Variants in NKAIN3 observed in about 807,000 individuals in gnomAD.
The protein encoded by NKAIN3 is sodium/potassium transporting ATPase interacting 3, also known as sodium/potassium-transporting ATPase subunit beta-1-interacting protein 3.
Under a neutral mutation model 30.2 loss-of-function variants are expected in NKAIN3, and 25 were observed. The observed-to-expected ratio is 0.83, with a 90% confidence interval of 0.60 to 1.16. The LOEUF is 1.16. Ranked by LOEUF, NKAIN3 falls within the 50% of genes most tolerant of loss-of-function variation. The pLI is 0.00. For missense variants in NKAIN3, 225 were observed against 254.1 expected (o/e 0.89, Z 0.78); for synonymous variants, 91 against 89.6 (o/e 1.02, Z -0.09).
intron 3 of NKAIN3, among the ~76,000 whole-genome samples, chr8:62,663,574 C>A (rs1351600179): frequency 6.6e-6 from 1 of 152,146 alleles, no homozygotes; most frequent in Non-Finnish European, 1.5e-5. Context: ...CATCTGAATA[C>A]CCACTTTGTG....
chr8:62,431,167 G>A (rs771051151), intron 1 of NKAIN3, among the ~76,000 whole-genome samples: 1 of 151,822 alleles, frequency 6.6e-6, no homozygotes, highest in Non-Finnish European at 1.5e-5. Flanking sequence ...TCCAAAGATA[G>A]TCTGAATCAA....
At chr8:62,784,779 C>T (rs577667609) in intron 4 of NKAIN3, among the ~76,000 whole-genome samples, 2 of 152,066 alleles carry the variant, frequency 1.3e-5, no homozygotes, top group Non-Finnish European at 2.9e-5. Flanking sequence ...ATTACTTAGA[C>T]ACCAAGGCCA....
At chr8:62,627,829 A>G (rs989192112) in intron 3 of NKAIN3, among the ~76,000 whole-genome samples, 2 of 152,088 alleles carry the variant, frequency 1.3e-5, no homozygotes, top group African/African-American at 4.8e-5. Context: ...AGACAGAAGT[A>G]GACTGCTTCT....
At chr8:62,609,994 GTA>G (rs1811240997) in intron 3 of NKAIN3, among the ~76,000 whole-genome samples, 2 of 152,112 alleles carry the variant, frequency 1.3e-5, no homozygotes, top group Non-Finnish European at 2.9e-5. Context: ...AAATTACTGT[GTA>G]GGGGACAAGA....
At chr8:62,924,684 C>T (rs1236462267) in intron 5 of NKAIN3, among the ~76,000 whole-genome samples, 1 of 152,212 alleles carries the variant, frequency 6.6e-6, no homozygotes, top group African/African-American at 2.4e-5. Context: ...TCTTCACCTC[C>T]TGTCTTAGTT....
intron 4 of NKAIN3, among the ~76,000 whole-genome samples, chr8:62,816,021 A>G (rs1818666363): frequency 6.6e-6 from 1 of 152,134 alleles, no homozygotes; most frequent in African/African-American, 2.4e-5. Flanking sequence ...ATTCCTTTTC[A>G]GGAATTTCAT....
At chr8:62,803,233 G>T (rs1818137319) in intron 4 of NKAIN3, among the ~76,000 whole-genome samples, 1 of 152,058 alleles carries the variant, frequency 6.6e-6, no homozygotes, top group African/African-American at 2.4e-5. Context: ...AGGATACCCA[G>T]GAATTGAACC....
intron 4 of NKAIN3, among the ~76,000 whole-genome samples, chr8:62,786,499 G>A (rs1295613408): frequency 7.3e-6 from 1 of 137,534 alleles, no homozygotes; most frequent in African/African-American, 2.7e-5. Flanking sequence ...CTCATATAAA[G>A]GATTCATGTT....
intron 3 of NKAIN3, among the ~76,000 whole-genome samples, chr8:62,593,654 A>G (rs1810728767): frequency 6.6e-6 from 1 of 152,062 alleles, no homozygotes; most frequent in South Asian, 2.1e-4. Context: ...AAACAATCAA[A>G]AATATTGATA....
At chr8:62,279,118 C>A (rs1176573415) in intron 1 of NKAIN3, among the ~76,000 whole-genome samples, 2 of 152,224 alleles carry the variant, frequency 1.3e-5, no homozygotes, top group African/African-American at 2.4e-5. Flanking sequence ...TTGCATTTCT[C>A]TTATGACCAG....
chr8:62,751,853 A>T, intron 4 of NKAIN3, among the ~76,000 whole-genome samples: 1 of 123,830 alleles, frequency 8.1e-6, no homozygotes, highest in South Asian at 2.6e-4. Context: ...TGTGTTACTG[A>T]GAGCATTTCC....
chr8:62,622,048 T>C (rs548758193), intron 3 of NKAIN3, among the ~76,000 whole-genome samples: 1 of 152,204 alleles, frequency 6.6e-6, no homozygotes, highest in African/African-American at 2.4e-5. Context: ...TGCAATTTTA[T>C]AGCATATAGC....
intron 4 of NKAIN3, among the ~76,000 whole-genome samples, chr8:62,805,753 A>G (rs534678241): frequency 9.2e-5 from 14 of 152,346 alleles, no homozygotes; most frequent in African/African-American, 3.4e-4. Context: ...CAAGGACTTC[A>G]TGTCTAAAAC....
intron 1 of NKAIN3, among the ~76,000 whole-genome samples, chr8:62,405,969 C>A (rs1012263383): frequency 2.0e-5 from 3 of 152,064 alleles, no homozygotes; most frequent in African/African-American, 7.2e-5. Flanking sequence ...ATTTTTAAAC[C>A]AGTATCCAAT....
chr8:62,692,526 A>G (rs1215486305), intron 3 of NKAIN3, among the ~76,000 whole-genome samples: 1 of 152,164 alleles, frequency 6.6e-6, no homozygotes, highest in Non-Finnish European at 1.5e-5. Context: ...TTCCACACTA[A>G]AGAATCTATG....
At chr8:62,807,869 A>G (rs1818353555) in intron 4 of NKAIN3, among the ~76,000 whole-genome samples, 1 of 151,198 alleles carries the variant, frequency 6.6e-6, no homozygotes, top group African/African-American at 2.4e-5. Flanking sequence ...AAAATGATTT[A>G]TTGTTTAAGG....
intron 1 of NKAIN3, among the ~76,000 whole-genome samples, chr8:62,556,180 A>G (rs1809380841): frequency 6.6e-6 from 1 of 152,028 alleles, no homozygotes; most frequent in African/African-American, 2.4e-5. Context: ...AATAATGTCA[A>G]TAGAACAGTA....
At chr8:62,589,586 T>C in intron 2 of NKAIN3, 128 bp from the exon 3 acceptor site, 2 of 506,176 alleles carry the variant, frequency 4.0e-6, no homozygotes, top group Non-Finnish European at 7.2e-6. Context: ...AGCACTCTTT[T>C]CTGAGCGCTC....
At chr8:62,506,978 C>T (rs1807664951) in intron 1 of NKAIN3, among the ~76,000 whole-genome samples, 1 of 152,034 alleles carries the variant, frequency 6.6e-6, no homozygotes, top group Non-Finnish European at 1.5e-5. Context: ...AAAATGAAGC[C>T]ATAAAAATAT....
Sources: gnomAD v4.1 joint callset for allele counts (sites outside exome capture counted in the v4.1 genomes callset) on GRCh38, gnomAD v4.1.1 for gene constraint, MANE v1.5 for transcripts, NCBI Gene and HGNC (gene_info 2026-07-23, HGNC 2026-07-21) for gene names.